Variants in UNC79 observed in about 807,000 individuals in gnomAD.
UNC79 encodes unc-79 subunit of NALCN channel complex.
UNC79 carries 37 observed loss-of-function variants against 283.1 expected under a neutral mutation model. The observed-to-expected ratio is 0.13, with a 90% CI of 0.10 to 0.17. UNC79 has a LOEUF of 0.17. Ranked by LOEUF, UNC79 falls within the 10% of genes least tolerant of loss-of-function variation. UNC79 has a pLI of 1.00. For synonymous variants in UNC79, 1,107 were observed against 1,200.2 expected (o/e 0.92, Z 1.61); for missense variants, 2,272 against 3,211.1 (o/e 0.71, Z 7.07).
At chr14:93,379,873 A>G (rs888555113) in intron 1 of UNC79, among the ~76,000 whole-genome samples, 1 of 150,770 alleles carries the variant, frequency 6.6e-6, no homozygotes, top group Admixed American at 6.6e-5. Flanking sequence ...TAAAAATAAT[A>G]AAAAAATTTG....
intron 1 of UNC79, among the ~76,000 whole-genome samples, chr14:93,375,767 A>T (rs1455589165): frequency 6.6e-6 from 1 of 152,126 alleles, no homozygotes; most frequent in East Asian, 1.9e-4. Flanking sequence ...CACCAAGGGG[A>T]TGGCACTAAA....
At chr14:93,340,310 C>G (rs184004859) in intron 1 of UNC79, among the ~76,000 whole-genome samples, 1 of 151,938 alleles carries the variant, frequency 6.6e-6, no homozygotes, top group Non-Finnish European at 1.5e-5. Flanking sequence ...GGCATGGTGG[C>G]GGGTGCCTGT....
intron 1 of UNC79, among the ~76,000 whole-genome samples, chr14:93,462,222 C>A (rs916286878): frequency 4.6e-5 from 7 of 152,166 alleles, no homozygotes; most frequent in Admixed American, 6.5e-5. Flanking sequence ...AGGAGAATCA[C>A]GTGAGCCTGG....
At chr14:93,397,364 A>C (rs969321737) in intron 1 of UNC79, 4 of 152,208 alleles carry the variant, frequency 2.6e-5, no homozygotes, top group Non-Finnish European at 4.4e-5. Context: ...TCTGGAAGTG[A>C]GATCTTCCAG....
intron 1 of UNC79, among the ~76,000 whole-genome samples, chr14:93,383,054 A>T (rs906707800): frequency 6.6e-6 from 1 of 152,260 alleles, no homozygotes; most frequent in African/African-American, 2.4e-5. Flanking sequence ...TAGCTGGGAT[A>T]GAAAATCAAG....
chr14:93,488,960 G>T (rs2058591940), intron 5 of UNC79, among the ~76,000 whole-genome samples: 1 of 152,092 alleles, frequency 6.6e-6, no homozygotes, highest in South Asian at 2.1e-4. Flanking sequence ...ATTTTTTTAA[G>T]ATACAGAGTC....
At chr14:93,689,976 C>T (rs2074561419) in intron 44 of UNC79, 141 bp from the exon 48 acceptor site, 1 of 805,996 alleles carries the variant, frequency 1.2e-6, no homozygotes, top group Non-Finnish European at 2.0e-6. Flanking sequence ...ATTTTGTTGA[C>T]ACTCAATTGC....
chr14:93,403,120 G>A (rs777441936), intron 1 of UNC79, among the ~76,000 whole-genome samples: 16 of 152,178 alleles, frequency 1.1e-4, no homozygotes, highest in Non-Finnish European at 2.1e-4. Context: ...TCACTGAGTA[G>A]TCAATTTACA....
intron 7 of UNC79, among the ~76,000 whole-genome samples, chr14:93,500,079 A>G (rs904528240): frequency 3.9e-5 from 6 of 152,180 alleles, no homozygotes; most frequent in Non-Finnish European, 8.8e-5. Flanking sequence ...CGCCAGGCAC[A>G]GGCTTTAGAT....
intron 7 of UNC79, 93 bp downstream of exon 7, chr14:93,497,379 A>G: frequency 3.5e-6 from 5 of 1,426,168 alleles, no homozygotes; most frequent in Non-Finnish European, 4.6e-6. Flanking sequence ...ATCTTGCTGG[A>G]TTATATTTTC....
intron 19 of UNC79, 52 bp from the exon 20 acceptor site, chr14:93,582,150 TC>T: frequency 6.2e-7 from 1 of 1,613,386 alleles, no homozygotes; most frequent in East Asian, 2.2e-5. Flanking sequence ...AGCAAACCGT[TC>T]CTGACACCCC....
At chr14:93,408,018 C>G (rs1175570634) in intron 1 of UNC79, among the ~76,000 whole-genome samples, 1 of 152,150 alleles carries the variant, frequency 6.6e-6, no homozygotes, top group Non-Finnish European at 1.5e-5. Context: ...TGTATACCTA[C>G]AGTTACTATT....
intron 1 of UNC79, among the ~76,000 whole-genome samples, chr14:93,345,618 C>G (rs2053808819): frequency 6.6e-6 from 1 of 151,742 alleles, no homozygotes; most frequent in East Asian, 1.9e-4. Context: ...CAAGGAAATC[C>G]TGCAAAATGT....
At position 93,404,493 on chromosome 14, in the gene UNC79, A is replaced by AAAAAAAAAATATATATATATATATAT; in HGVS notation, c.-350-63177_-350-63176insAAAAAAAATATATATATATATATATA. ...TGACAGAGTGAGACCTTCTAAAAAA[A>AAAAAAAAAATATATATATATATATAT]ATATATATATATATATATATAAATA... On this transcript the variant is annotated intron_variant, in intron 1 of 49. Coordinates refer to the UNC79 transcript ENST00000256339. Among the ~76,000 whole-genome samples the AAAAAAAAAATATATATATATATATAT allele has an allele frequency of 9.6e-4, 59 of 61,460 alleles. 3 individuals carry two copies. Among genetic ancestry groups the AAAAAAAAAATATATATATATATATAT allele is most frequent in the African/African-American group, 2.9e-3 (44 of 14,970 alleles). The allele number at this position is 61,460 out of a possible 152,430, so 40.3% of individuals were successfully genotyped here.
At chr14:93,598,573 G>A (rs763254248) in intron 24 of UNC79, among the ~76,000 whole-genome samples, 9 of 152,306 alleles carry the variant, frequency 5.9e-5, no homozygotes, top group South Asian at 2.1e-4. Context: ...CCAGGCTGGA[G>A]TGCAGTGGTG....
chr14:93,554,988 C>A (rs1197755147), intron 14 of UNC79, among the ~76,000 whole-genome samples: 1 of 152,094 alleles, frequency 6.6e-6, no homozygotes, highest in Non-Finnish European at 1.5e-5. Flanking sequence ...TCTATATATC[C>A]CCAGGCCTTA....
upstream of UNC79, among the ~76,000 whole-genome samples, chr14:93,427,448 A>G (rs1003136302): frequency 9.9e-5 from 15 of 152,278 alleles, no homozygotes; most frequent in Non-Finnish European, 1.8e-4. Flanking sequence ...AAAATAATAT[A>G]TGTTGCTTAT....
intron 1 of UNC79, among the ~76,000 whole-genome samples, chr14:93,411,367 G>A (rs2055332648): frequency 1.3e-5 from 2 of 152,202 alleles, no homozygotes; most frequent in East Asian, 3.8e-4. Context: ...GGACCTGGGG[G>A]AACTTGCTGC....
In UNC79 at chr14:93,691,750, C is replaced by A. The variant is rs750094517; in HGVS notation, c.7274C>A (p.Thr2425Asn). Reference sequence around the variant, plus strand: ...TGATGCCGTCTTCTTCCTTTTCAGACCTCCGTGCTGCACATGTGCTCCCTC... The same window carrying A: ...TGATGCCGTCTTCTTCCTTTTCAGAACTCCGTGCTGCACATGTGCTCCCTC... Residue 2425 changes from threonine to asparagine, a missense_variant and splice_region_variant, in exon 46 of 49, where the codon ACC becomes AAC. Coordinates refer to ENST00000555664, the Ensembl canonical transcript of UNC79. The A allele has an allele frequency of 1.1e-5, 18 of 1,613,844 alleles. No homozygotes were observed. The highest frequency in any genetic ancestry group is 1.7e-4 in the Middle Eastern group (1 of 5,888).
Sources: allele counts gnomAD v4.1 joint callset (sites outside exome capture counted in the v4.1 genomes callset), GRCh38; gene constraint gnomAD v4.1.1; transcripts MANE v1.5; gene names NCBI Gene and HGNC (gene_info 2026-07-23, HGNC 2026-07-21).